Variants in APBA2 observed in about 807,000 individuals in gnomAD.
APBA2 encodes amyloid-beta A4 precursor protein-binding family A member 2.
A neutral mutation model predicts 75.0 loss-of-function variants in APBA2; 30 were observed. The ratio of observed to expected loss-of-function variants is 0.40; its 90% CI spans 0.30 to 0.54. APBA2 has a LOEUF of 0.54. Among genes scored for constraint, APBA2 ranks in the 20% least tolerant of loss-of-function variants. The pLI is 0.49. For synonymous variants in APBA2, 444 were observed against 409.6 expected, an observed-to-expected ratio of 1.08 and a Z score of -1.01; for missense variants, 801 against 1,016.1, an observed-to-expected ratio of 0.79 and a Z score of 2.88.
chr15:29,080,378 A>G (rs549119229), intron 6 of APBA2, among the ~76,000 whole-genome samples: 21 of 152,224 alleles, frequency 1.4e-4, no homozygotes, highest in Non-Finnish European at 1.6e-4. Flanking sequence ...AAGACCTACC[A>G]TGCAGGTGCC....
At position 28,935,102 on chromosome 15, in the gene APBA2, G is replaced by A. The variant is rs553882818; in HGVS notation, c.-95+13353G>A. Among the ~76,000 whole-genome samples the A allele has an allele frequency of 3.9e-5, 6 of 152,330 alleles. No individual in the cohort carries two copies. The South Asian group carries it at 1.2e-3, about 32-fold the overall frequency. On this transcript the variant is annotated intron_variant, in intron 2 of 14. Transcript: ENST00000683413. Reference sequence around the variant, plus strand: ...CAGGGATTCTCCACTTCCCCACAGAGTGAACTGGAACGAGGAGAGACTGGT... The same window carrying A: ...CAGGGATTCTCCACTTCCCCACAGAATGAACTGGAACGAGGAGAGACTGGT...
At chr15:29,020,979 G>T (rs988705669) in intron 3 of APBA2, among the ~76,000 whole-genome samples, 9 of 152,134 alleles carry the variant, frequency 5.9e-5, no homozygotes, top group African/African-American at 1.9e-4. Context: ...CGTTCTGGGG[G>T]GTCGGGAGAG....
intron 6 of APBA2, among the ~76,000 whole-genome samples, chr15:29,083,387 G>T (rs558591682): frequency 6.6e-6 from 1 of 152,200 alleles, no homozygotes; most frequent in East Asian, 1.9e-4. Flanking sequence ...GATTTATGGT[G>T]CATTTTATTA....
chr15:29,094,537 T>G (rs1462624178), intron 8 of APBA2, among the ~76,000 whole-genome samples: 1 of 152,268 alleles, frequency 6.6e-6, no homozygotes, highest in African/African-American at 2.4e-5. Flanking sequence ...TTCTTCTTTC[T>G]TAGCATCTCC....
intron 12 of APBA2, 122 bp from the exon 13 acceptor site, chr15:29,108,148 C>T (rs1371010348): frequency 3.5e-6 from 5 of 1,427,316 alleles, no homozygotes; most frequent in Non-Finnish European, 4.9e-6. Context: ...AGGGGACTGC[C>T]TGCCTCTCCC....
chr15:28,941,334 C>G (rs1429353121), intron 2 of APBA2, among the ~76,000 whole-genome samples: 1 of 152,004 alleles, frequency 6.6e-6, no homozygotes, highest in Non-Finnish European at 1.5e-5. Context: ...GCTGGTCTGC[C>G]CCTATTCTAA....
At chr15:28,901,908 A>ATGTG (rs766260051) in intron 1 of APBA2, among the ~76,000 whole-genome samples, 760 of 67,402 alleles carry the variant, frequency 0.011, 26 homozygotes, top group African/African-American at 0.043. Flanking sequence ...GGAGCTTTTG[A>ATGTG]TGTGTGTGTG....
chr15:29,116,471 C>CA (rs1175994610), intron 14 of APBA2, among the ~76,000 whole-genome samples: 1 of 150,486 alleles, frequency 6.6e-6, no homozygotes, highest in African/African-American at 2.4e-5. Flanking sequence ...CTAAAAAATA[C>CA]AAAAAAATTC....
intron 2 of APBA2, among the ~76,000 whole-genome samples, chr15:28,940,356 CAAAAAAAA>C (rs398043111): frequency 1.6e-4 from 6 of 38,450 alleles, no homozygotes; most frequent in Non-Finnish European, 2.3e-4. Flanking sequence ...ACTAAAAATA[CAAAAAAAA>C]AAAAAAAAAA....
chr15:28,939,634 C>T (rs1385138954), intron 2 of APBA2, among the ~76,000 whole-genome samples: 1 of 152,200 alleles, frequency 6.6e-6, no homozygotes, highest in Admixed American at 6.5e-5. Flanking sequence ...TCTGGCCTCA[C>T]GAGACGTCTT....
chr15:29,082,985 C>T (rs1209488292), intron 6 of APBA2, among the ~76,000 whole-genome samples: 2 of 151,952 alleles, frequency 1.3e-5, no homozygotes, highest in Admixed American at 6.6e-5. Flanking sequence ...TTGCTTGAAT[C>T]TGGGAGTTAG....
chr15:29,115,088 G>GC (rs1434275152), intron 14 of APBA2, among the ~76,000 whole-genome samples: 2 of 152,000 alleles, frequency 1.3e-5, no homozygotes, highest in Non-Finnish European at 2.9e-5. Flanking sequence ...GCCGCACGAG[G>GC]CGGGAGGCTG....
intron 1 of APBA2, among the ~76,000 whole-genome samples, chr15:28,913,214 C>G (rs1337158104): frequency 1.3e-5 from 2 of 152,208 alleles, no homozygotes; most frequent in Non-Finnish European, 2.9e-5. Context: ...CCTCCTGATA[C>G]AGGGATCCTT....
Position 29,056,665 on chromosome 15 carries a change from T to C in APBA2, c.951+1830T>C, listed in dbSNP as rs982781318. Among the ~76,000 whole-genome samples, 13 of 126,738 alleles carry C rather than the reference T, an allele frequency of 1.0e-4. No individual in the cohort carries two copies. In the East Asian group the frequency reaches 2.0e-3, roughly 19 times the overall value. The allele number at this position is 126,738 out of a possible 152,430, so 83.1% of individuals were successfully genotyped here. On this transcript the variant is annotated intron_variant, in intron 4 of 14. Transcript: ENST00000683413. ...TCTCTCTCTCTCTCTCTCTCTCTCT[T>C]TCTTTCTTTCTTTCCTATCAGTTCA...
chr15:28,917,278 G>A (rs1313177021), intron 1 of APBA2, among the ~76,000 whole-genome samples: 2 of 152,128 alleles, frequency 1.3e-5, no homozygotes, highest in Non-Finnish European at 2.9e-5. Context: ...GAGAGAGAGG[G>A]ACTGTGATGA....
At chr15:28,887,532 CAGGGGA>C (rs1181763637) in intron 1 of APBA2, among the ~76,000 whole-genome samples, 2 of 152,230 alleles carry the variant, frequency 1.3e-5, no homozygotes, top group East Asian at 3.9e-4. Flanking sequence ...CGCCACTACG[CAGGGGA>C]CAGGATCTGG....
chr15:28,973,706 A>G (rs2037190637), intron 2 of APBA2, among the ~76,000 whole-genome samples: 1 of 152,256 alleles, frequency 6.6e-6, no homozygotes, highest in Non-Finnish European at 1.5e-5. Context: ...AGGAATGGCT[A>G]TAAATGTTAT....
intron 3 of APBA2, among the ~76,000 whole-genome samples, chr15:29,045,117 A>C (rs1277711480): frequency 2.0e-5 from 2 of 100,122 alleles, no homozygotes; most frequent in Admixed American, 1.3e-4. Flanking sequence ...TCGCACTGTC[A>C]CCTGGGCTGG....
intron 3 of APBA2, among the ~76,000 whole-genome samples, chr15:28,998,131 A>G (rs1034772554): frequency 1.3e-5 from 2 of 151,788 alleles, no homozygotes; most frequent in African/African-American, 4.8e-5. Context: ...ATGTCTTTTC[A>G]TAGGATAATT....
Sources: gnomAD v4.1 joint callset for allele counts (sites outside exome capture counted in the v4.1 genomes callset) on GRCh38, gnomAD v4.1.1 for gene constraint, MANE v1.5 for transcripts, NCBI Gene and HGNC (gene_info 2026-07-23, HGNC 2026-07-21) for gene names.